The following SHOC2 variants were observed in gnomAD, a reference collection of about 807,000 sequenced individuals.
SHOC2 encodes SHOC2 leucine rich repeat scaffold protein, also known as leucine-rich repeat protein SHOC-2.
A neutral mutation model predicts 50.2 loss-of-function variants in SHOC2; 4 were observed. The observed-to-expected ratio is 0.08, with a 90% CI of 0.04 to 0.18. The LOEUF (loss-of-function observed/expected upper bound fraction) is 0.18. SHOC2 is among the 10% of genes least tolerant of loss of function. The probability of loss-of-function intolerance (pLI) is 1.00; values close to 1 mark genes in which losing one functional copy is unlikely to be tolerated. For missense variants in SHOC2, 388 were observed against 669.6 expected (o/e 0.58, Z 4.64); for synonymous variants, 218 against 244.5 (o/e 0.89, Z 1.01).
At chr10:110,934,973 A>C (rs555246840) in intron 1 of SHOC2, among the ~76,000 whole-genome samples, 2 of 152,322 alleles carry the variant, frequency 1.3e-5, no homozygotes, top group East Asian at 1.9e-4. Flanking sequence ...CTCCTGGGAA[A>C]CTACTATGAG....
chr10:110,946,609 A>C (rs918465398), intron 1 of SHOC2, among the ~76,000 whole-genome samples: 2 of 152,140 alleles, frequency 1.3e-5, no homozygotes, highest in African/African-American at 4.8e-5. Flanking sequence ...AACAATGTGG[A>C]TATTTGAGAG....
chr10:110,953,874 A>AT (rs1165120961), intron 1 of SHOC2, among the ~76,000 whole-genome samples: 3 of 151,456 alleles, frequency 2.0e-5, no homozygotes, highest in Non-Finnish European at 4.4e-5. Flanking sequence ...CTTCTATAGT[A>AT]TAAAAAGGAA....
intron 1 of SHOC2, among the ~76,000 whole-genome samples, chr10:110,943,613 G>T (rs1362382739): frequency 6.6e-6 from 1 of 152,112 alleles, no homozygotes; most frequent in African/African-American, 2.4e-5. Context: ...GACCTTCTGT[G>T]AGCCTGTGTC....
intron 1 of SHOC2, among the ~76,000 whole-genome samples, chr10:110,959,636 C>A (rs938352413): frequency 2.0e-5 from 3 of 152,200 alleles, no homozygotes; most frequent in Admixed American, 6.5e-5. Flanking sequence ...GCTTACTGTT[C>A]CCTACCACAG....
intron 4 of SHOC2, among the ~76,000 whole-genome samples, chr10:111,002,852 C>T (rs930130026): frequency 6.6e-6 from 1 of 152,068 alleles, no homozygotes; most frequent in Non-Finnish European, 1.5e-5. Flanking sequence ...GAGCTGGCTT[C>T]TTGTTGCCCC....
intron 1 of SHOC2, among the ~76,000 whole-genome samples, chr10:110,934,035 A>G (rs907886133): frequency 7.2e-5 from 11 of 152,198 alleles, no homozygotes; most frequent in African/African-American, 2.7e-4. Context: ...ACTCTTACTA[A>G]TATGTAGATT....
At chr10:110,976,190 G>A (rs566654965) in intron 2 of SHOC2, among the ~76,000 whole-genome samples, 87 of 152,254 alleles carry the variant, frequency 5.7e-4, no homozygotes, top group Non-Finnish European at 9.8e-4. Flanking sequence ...GATTACAGGC[G>A]TGAGCTACCA....
chr10:110,991,571 T>A (rs376959047), intron 3 of SHOC2, among the ~76,000 whole-genome samples: 15 of 152,196 alleles, frequency 9.9e-5, no homozygotes, highest in South Asian at 8.3e-4. Flanking sequence ...TTAGTAATAT[T>A]TATTGAAACT....
chr10:111,007,784 A>T (rs1409301333), intron 6 of SHOC2, 131 bp downstream of exon 6: 1 of 889,496 alleles, frequency 1.1e-6, no homozygotes, highest in African/African-American at 1.7e-5. Flanking sequence ...TCACTTAAAC[A>T]TACAACCCTA....
chr10:110,946,117 A>G (rs962846475), intron 1 of SHOC2, among the ~76,000 whole-genome samples: 1 of 152,076 alleles, frequency 6.6e-6, no homozygotes, highest in South Asian at 2.1e-4. Context: ...TTCAGTTTGA[A>G]TAGTATAATC....
intron 3 of SHOC2, among the ~76,000 whole-genome samples, chr10:110,997,998 C>CTT (rs67929631): frequency 5.1e-5 from 7 of 136,628 alleles, no homozygotes; most frequent in Non-Finnish European, 9.7e-5. Context: ...TTATTATAGT[C>CTT]TTTTTTTTTT....
At chr10:110,977,052 G>T (rs1208388147) in intron 2 of SHOC2, among the ~76,000 whole-genome samples, 2 of 151,730 alleles carry the variant, frequency 1.3e-5, no homozygotes, top group Non-Finnish European at 2.9e-5. Flanking sequence ...TTTCATACCA[G>T]GTATTTTATT....
At chr10:110,920,113 G>C (rs759244928) in intron 1 of SHOC2, 1 of 151,766 alleles carries the variant, frequency 6.6e-6, no homozygotes, top group Non-Finnish European at 1.5e-5. Flanking sequence ...GTAAATCGTT[G>C]GCGAGGGCCC....
intron 1 of SHOC2, chr10:110,951,880 A>T (rs1001528876): frequency 2.0e-5 from 3 of 151,626 alleles, no homozygotes; most frequent in Non-Finnish European, 4.4e-5. Flanking sequence ...CTGGTCTTGA[A>T]CTCCTGACCT....
chr10:110,976,302 A>C (rs578117875), intron 2 of SHOC2, among the ~76,000 whole-genome samples: 1 of 151,362 alleles, frequency 6.6e-6, no homozygotes, highest in Non-Finnish European at 1.5e-5. Flanking sequence ...TTTATTTTAA[A>C]ATCTTTATTT....
Position 111,007,798 on chromosome 10 carries a change from G to A in SHOC2, c.1284+145G>A. On this transcript the variant is annotated intron_variant, in intron 6 of 8. Transcript: ENST00000369452. Reference sequence around the variant, plus strand: ...CTCACTTAAACATACAACCCTAATAGGATAATGAAGTGTTGACTTAGGTAG... The same window carrying A: ...CTCACTTAAACATACAACCCTAATAAGATAATGAAGTGTTGACTTAGGTAG... The A allele has an allele frequency of 1.5e-5, 12 of 795,380 alleles. No individual in the cohort carries two copies. The South Asian group carries it at 1.6e-4, about 11-fold the overall frequency. 49.3% of individuals were successfully genotyped at this position (795,380 alleles called of 1,614,324 possible).
At position 111,013,123 on chromosome 10, in the gene SHOC2, T is replaced by C. The variant is rs576948558; in HGVS notation, c.*1305T>C. On this transcript the variant is annotated 3_prime_UTR_variant, in exon 9 of 9. Coordinates refer to ENST00000369452, the MANE Select transcript of SHOC2 (RefSeq NM_007373.4). ...AGTTCAGTGGAAGTTCTGTAAGATG[T>C]GCATGTACTATTTGATGCGTTTTCT... 18 of 152,556 alleles carry C rather than the reference T, an allele frequency of 1.2e-4. No individual in the cohort carries two copies. The highest frequency in any genetic ancestry group is 2.4e-4 in the Non-Finnish European group (16 of 68,022). 9.5% of individuals were successfully genotyped at this position (152,556 alleles called of 1,614,324 possible).
rs186438185 is a variant in SHOC2 at position 110,944,523 on chromosome 10, T to G, written c.-234-19602T>G. On this transcript the variant is annotated intron_variant, in intron 1 of 8. Coordinates refer to ENST00000369452, the MANE Select transcript of SHOC2 (RefSeq NM_007373.4). ...GTTTCTTTGCATATCTTATAATTTT[T>G]TGTTGAAAATTACATTTGGACATTT... 1.2e-3 allele frequency among the ~76,000 whole-genome samples: 184 copies of G among 152,352 alleles called. 1 individual carries two copies. The highest frequency in any genetic ancestry group is 1.3e-3 in the Non-Finnish European group (89 of 68,022).
chr10:110,929,191 T>C (rs531278950), intron 1 of SHOC2, among the ~76,000 whole-genome samples: 44 of 149,484 alleles, frequency 2.9e-4, no homozygotes, highest in African/African-American at 9.2e-4. Context: ...TAGATTGATG[T>C]GGTAAAAATA....
Sources: gnomAD v4.1 joint callset for allele counts (sites outside exome capture counted in the v4.1 genomes callset) on GRCh38, gnomAD v4.1.1 for gene constraint, MANE v1.5 for transcripts, NCBI Gene and HGNC (gene_info 2026-07-23, HGNC 2026-07-21) for gene names.